PRDM16: variants seen among roughly 807,000 people sequenced by gnomAD.
PRDM16 encodes histone-lysine N-methyltransferase PRDM16.
PRDM16 carries 23 observed loss-of-function variants against 110.6 expected under a neutral mutation model. The observed-to-expected ratio is 0.21, with a 90% confidence interval of 0.15 to 0.29. PRDM16 has a LOEUF of 0.29. Among genes scored for constraint, PRDM16 ranks in the 10% least tolerant of loss-of-function variants. PRDM16 has a pLI of 1.00. For synonymous variants in PRDM16, 799 were observed against 781.8 expected (o/e 1.02, Z -0.37); for missense variants, 1,615 against 1,794.3 (o/e 0.90, Z 1.81).
At position 3,309,343 on chromosome 1, in the gene PRDM16, C is replaced by G. The variant is rs147280164; in HGVS notation, c.438+65206C>G. The G allele has an allele frequency of 8.1e-4, 124 of 152,480 alleles. No individual in the cohort carries two copies. In the Middle Eastern group the frequency reaches 0.01, roughly 12 times the overall value. 9.4% of individuals were successfully genotyped at this position (152,480 alleles called of 1,614,324 possible). ...TGATTCCGTCGTCAGGCGATATTCC[C>G]TGGTGCACTGAGGAGAAATTCTTCC... is the stretch of plus-strand genomic sequence containing the variant. On this transcript the variant is annotated intron_variant, in intron 3 of 16. Coordinates refer to ENST00000270722, the MANE Select transcript of PRDM16 (RefSeq NM_022114.4).
intron 1 of PRDM16, among the ~76,000 whole-genome samples, chr1:3,183,685 G>A (rs1346991165): frequency 2.0e-5 from 3 of 152,204 alleles, no homozygotes; most frequent in Non-Finnish European, 2.9e-5. Context: ...AATTAAACAT[G>A]CCCTTAAAGC....
At chr1:3,117,283 C>T (rs2100654597) in intron 1 of PRDM16, among the ~76,000 whole-genome samples, 1 of 152,310 alleles carries the variant, frequency 6.6e-6, no homozygotes, top group East Asian at 1.9e-4. Context: ...GGAGTGCTGG[C>T]CCCAGCATCC....
In PRDM16 at chr1:3,300,623, G is replaced by A. The variant is rs528858111; in HGVS notation, c.438+56486G>A. ...GCCTCGGAACCGCGGTGCAACTGGG[G>A]TGCGTTTGTGCCAGGGAAAATGGAT... On this transcript the variant is annotated intron_variant, in intron 3 of 16. Coordinates refer to ENST00000270722, the MANE Select transcript of PRDM16 (RefSeq NM_022114.4). 2.6e-5 allele frequency among the ~76,000 whole-genome samples: 4 copies of A among 152,354 alleles called. No homozygotes were observed. The East Asian group carries it at 7.7e-4, about 29-fold the overall frequency.
At chr1:3,114,078 G>C (rs1642857879) in intron 1 of PRDM16, among the ~76,000 whole-genome samples, 1 of 152,058 alleles carries the variant, frequency 6.6e-6, no homozygotes, top group Non-Finnish European at 1.5e-5. Flanking sequence ...GTGTAGATTT[G>C]TATTTGCATG....
Position 3,339,402 on chromosome 1 carries a change from G to T in PRDM16, c.439-45750G>T, listed in dbSNP as rs538184655. On this transcript the variant is annotated intron_variant, in intron 3 of 16. Coordinates refer to ENST00000270722, the MANE Select transcript of PRDM16 (RefSeq NM_022114.4). The surrounding 1 kb of genome is among the most constrained non-coding windows in gnomAD (Gnocchi z 5.0). The stretch of plus-strand genomic sequence containing the variant: ...GGGTGGATGAGTGGCAACCATCCTG[G>T]GTGGTCAGTAGGACCCTAGAAAGTG... Among the ~76,000 whole-genome samples, 1 of 152,220 alleles carries T rather than the reference G, an allele frequency of 6.6e-6. No individual in the cohort carries two copies. The highest frequency in any genetic ancestry group is 6.5e-5 in the Admixed American group (1 of 15,292).
chr1:3,422,139 A>C (rs1431507142), intron 12 of PRDM16, among the ~76,000 whole-genome samples: 2 of 151,214 alleles, frequency 1.3e-5, no homozygotes, highest in African/African-American at 4.9e-5. Flanking sequence ...GCAGGCAGAC[A>C]GGCAGACAGA....
intron 1 of PRDM16, among the ~76,000 whole-genome samples, chr1:3,181,554 A>ATG (rs1557509616): frequency 2.0e-5 from 1 of 49,026 alleles, no homozygotes; most frequent in African/African-American, 8.9e-5. Context: ...TTACACACGC[A>ATG]GTCTTACACA....
chr1:3,181,044 ACGCAGTCTTACACG>A (rs1644153717), intron 1 of PRDM16, among the ~76,000 whole-genome samples: 1 of 143,652 alleles, frequency 7.0e-6, no homozygotes, highest in Non-Finnish European at 1.5e-5. Flanking sequence ...GGTCTTACAC[ACGCAGTCTTACACG>A]CGGTCTTACA....
intron 16 of PRDM16, among the ~76,000 whole-genome samples, chr1:3,433,420 G>A (rs973299437): frequency 5.9e-5 from 9 of 152,212 alleles, no homozygotes; most frequent in African/African-American, 2.2e-4. Context: ...CTGCTGGCCG[G>A]GGATGGCCTG....
At chr1:3,331,265 G>A (rs538558729) in intron 3 of PRDM16, among the ~76,000 whole-genome samples, 1 of 152,048 alleles carries the variant, frequency 6.6e-6, no homozygotes, top group South Asian at 2.1e-4. Flanking sequence ...GCCTGGGGGG[G>A]GCGCATACTG....
At chr1:3,289,615 T>C (rs1570002171) in intron 3 of PRDM16, among the ~76,000 whole-genome samples, 2 of 152,194 alleles carry the variant, frequency 1.3e-5, no homozygotes, top group South Asian at 4.2e-4. Context: ...TGCGGGCAGG[T>C]CAGGAGCTGG....
intron 3 of PRDM16, among the ~76,000 whole-genome samples, chr1:3,304,993 C>G (rs1217309549): frequency 6.6e-6 from 1 of 152,174 alleles, no homozygotes; most frequent in Non-Finnish European, 1.5e-5. Context: ...GTGCTCTGCC[C>G]TCCTGTGCAC....
At chr1:3,193,006 C>T (rs1350034336) in intron 2 of PRDM16, among the ~76,000 whole-genome samples, 1 of 152,202 alleles carries the variant, frequency 6.6e-6, no homozygotes, top group Non-Finnish European at 1.5e-5. Flanking sequence ...CCCGGCCAGA[C>T]AGCGAGTACC....
In PRDM16 at chr1:3,265,860, A is replaced by T. The variant is rs1272727792; in HGVS notation, c.438+21723A>T. The stretch of plus-strand genomic sequence containing the variant: ...GTGCCCAGGTCCTTCGCTCTCTATG[A>T]TCCCTTTACGGTCGTGCAGTGCTCC... On this transcript the variant is annotated intron_variant, in intron 3 of 16. Transcript: ENST00000270722. This position sits in a 1 kb window ranked among gnomAD's most constrained non-coding sequence, Gnocchi z 4.5. Among the ~76,000 whole-genome samples, 3 of 151,952 alleles carry T rather than the reference A, an allele frequency of 2.0e-5. No individual in the cohort carries two copies. The highest frequency in any genetic ancestry group is 7.3e-5 in the African/African-American group (3 of 41,342).
In PRDM16 at chr1:3,358,029, A is replaced by C. The variant is rs1213512172; in HGVS notation, c.439-27123A>C. Among the ~76,000 whole-genome samples the C allele has an allele frequency of 6.6e-6, 1 of 152,240 alleles. No individual in the cohort carries two copies. Among genetic ancestry groups the C allele is most frequent in the Non-Finnish European group, 1.5e-5 (1 of 68,030 alleles). ...CACTGACATGCTCGCCCATGAGCTG[A>C]GTCTGCCTTGACCACTGAAGGAGGC... On this transcript the variant is annotated intron_variant, in intron 3 of 16. Coordinates refer to ENST00000270722, the MANE Select transcript of PRDM16 (RefSeq NM_022114.4). The surrounding 1 kb of genome is among the most constrained non-coding windows in gnomAD (Gnocchi z 4.0).
chr1:3,412,419 C>T lies in PRDM16; in HGVS notation c.2222C>T (p.Thr741Met), dbSNP rs759903951. ...PNFPHSLYPFTDRALAHNLLV... is the reference protein window; with the variant it reads ...PNFPHSLYPFMDRALAHNLLV... Reference sequence around the variant, plus strand: ...TTCCCCCACTCCCTTTACCCCTTCACGGACCGAGCCCTCGCCCACAACTTG... The same window carrying T: ...TTCCCCCACTCCCTTTACCCCTTCATGGACCGAGCCCTCGCCCACAACTTG... Residue 741 changes from threonine (T) to methionine (M), a missense_variant, in exon 9 of 17, where the codon ACG (threonine) becomes ATG (methionine). Transcript: ENST00000270722. 27 of 1,612,302 alleles carry T rather than the reference C, an allele frequency of 1.7e-5. No individual in the cohort carries two copies. Among genetic ancestry groups the T allele is most frequent in the South Asian group, 1.1e-4 (10 of 91,068 alleles).
At chr1:3,388,869 T>TCACAGCAACCA (rs529443609) in intron 4 of PRDM16, among the ~76,000 whole-genome samples, 24 of 152,300 alleles carry the variant, frequency 1.6e-4, no homozygotes, top group African/African-American at 5.3e-4. Flanking sequence ...TGCTGTGCAT[T>TCACAGCAACCA]CAGATGGGGT....
At position 3,306,467 on chromosome 1, in the gene PRDM16, C is replaced by T. The variant is rs950669305; in HGVS notation, c.438+62330C>T. Among the ~76,000 whole-genome samples, 4 of 152,162 alleles carry T rather than the reference C, an allele frequency of 2.6e-5. No homozygotes were observed. The East Asian group carries it at 5.8e-4, about 22-fold the overall frequency. On this transcript the variant is annotated intron_variant, in intron 3 of 16. Coordinates refer to ENST00000270722, the MANE Select transcript of PRDM16 (RefSeq NM_022114.4). ...CAGGTGCTGACAGGTTCTGGAAGGA[C>T]GAACTTCATTTACACCTGGACACAG...
intron 3 of PRDM16, among the ~76,000 whole-genome samples, chr1:3,272,531 C>T (rs1640480432): frequency 6.6e-6 from 1 of 152,182 alleles, no homozygotes; most frequent in African/African-American, 2.4e-5. Flanking sequence ...GCTCGGGAAA[C>T]ACCCGCCTCC....
Sources: gnomAD v4.1 joint callset for allele counts (sites outside exome capture counted in the v4.1 genomes callset) on GRCh38, gnomAD v4.1.1 for gene constraint, Gnocchi (gnomAD v3.1) non-coding constraint, MANE v1.5 for transcripts, NCBI Gene and HGNC (gene_info 2026-07-23, HGNC 2026-07-21) for gene names.